The following FGL1 variants were observed in gnomAD, a reference collection of about 807,000 sequenced individuals.
FGL1 encodes fibrinogen-like protein 1.
A neutral mutation model predicts 43.7 loss-of-function variants in FGL1; 59 were observed. The observed-to-expected ratio is 1.35, with a 90% confidence interval of 1.10 to 1.68. FGL1 has a LOEUF of 1.68. Ranked by LOEUF, FGL1 falls within the 40% of genes most tolerant of loss-of-function variation. The pLI is 0.00. For synonymous variants in FGL1, 192 were observed against 126.5 expected, an observed-to-expected ratio of 1.52 and a Z score of -3.48; for missense variants, 596 against 373.0, an observed-to-expected ratio of 1.60 and a Z score of -4.92.
In FGL1 at chr8:17,874,537, G is replaced by C. The variant is rs34852638; in HGVS notation, c.245-16C>G. The C allele has an allele frequency of 2.4e-3, 3,814 of 1,596,510 alleles. 88 individuals carry two copies. The African/African-American group carries it at 0.045, about 19-fold the overall frequency. The stretch of plus-strand genomic sequence containing the variant: ...TCTGAACAATCTGTTTTTAAAACAA[G>C]GTAATGTAACATTCATTATGTGTCT... On this transcript the variant is annotated splice_polypyrimidine_tract_variant and intron_variant, in intron 3 of 7. Coordinates refer to ENST00000427924, the MANE Select transcript of FGL1 (RefSeq NM_004467.4).
intron 3 of FGL1, among the ~76,000 whole-genome samples, chr8:17,876,294 T>C (rs958793953): frequency 6.6e-6 from 1 of 152,150 alleles, no homozygotes; most frequent in Non-Finnish European, 1.5e-5. Flanking sequence ...ACAACTCTCT[T>C]GTTTTGTTAC....
Position 17,868,561 on chromosome 8 carries a change from A to G in FGL1, c.766T>C (p.Trp256Arg). The G allele has an allele frequency of 5.0e-6, 8 of 1,612,340 alleles. No homozygotes were observed. Among genetic ancestry groups the G allele is most frequent in the Non-Finnish European group, 6.8e-6 (8 of 1,179,374 alleles). Reference sequence around the variant, plus strand: ...AAGACATCAAACCTGTTAAACCACCAGCCAGACTGATCTTCTTCTGCGCAG... The same window carrying G: ...AAGACATCAAACCTGTTAAACCACCGGCCAGACTGATCTTCTTCTGCGCAG... The part of the protein sequence containing the change: ...GNCAEEDQSG[W>R]WFNRCHSANL... Residue 256 changes from tryptophan to arginine, a missense_variant, in exon 7 of 8, where the codon TGG becomes CGG. Physicochemically the swap from Trp to Arg is moderately radical, Grantham distance 101. Transcript: ENST00000427924.
chr8:17,884,818 G>C (rs2053603786), intron 2 of FGL1, among the ~76,000 whole-genome samples: 2 of 152,094 alleles, frequency 1.3e-5, no homozygotes, highest in African/African-American at 4.8e-5. Flanking sequence ...AACTTTGAAT[G>C]AATGTTTTGT....
intron 3 of FGL1, among the ~76,000 whole-genome samples, chr8:17,879,636 G>A (rs2517316): frequency 0.73 from 111,088 of 151,916 alleles, 41,107 homozygotes; most frequent in Non-Finnish European, 0.79. Flanking sequence ...CTGCTTTGCC[G>A]TCTGCCATGA....
At position 17,894,871 on chromosome 8, in the gene FGL1, C is replaced by T. The variant is rs372815603; in HGVS notation, c.-18+576G>A. 1.3e-4 allele frequency among the ~76,000 whole-genome samples: 19 copies of T among 144,646 alleles called. 1 individual carries two copies. Among genetic ancestry groups the T allele is most frequent in the Middle Eastern group, 3.6e-3 (1 of 278 alleles). The allele number at this position is 144,646 out of a possible 152,430, so 94.9% of individuals were successfully genotyped here. On this transcript the variant is annotated intron_variant, in intron 1 of 7. Coordinates refer to ENST00000427924, the MANE Select transcript of FGL1 (RefSeq NM_004467.4). ...CTGTATATATATGTATATGTATGTA[C>T]GTAACATTATTATACATAATTATGT...
intron 1 of FGL1, chr8:17,891,180 A>G (rs1292415028): frequency 1.3e-5 from 2 of 152,200 alleles, no homozygotes; most frequent in Non-Finnish European, 2.9e-5. Flanking sequence ...TAGGTACTGT[A>G]CTAGTTTCTT....
At chr8:17,881,813 G>A (rs1381141221) in intron 3 of FGL1, among the ~76,000 whole-genome samples, 186 bp downstream of exon 3, 1 of 143,302 alleles carries the variant, frequency 7.0e-6, no homozygotes, top group Non-Finnish European at 1.5e-5. Flanking sequence ...CTGCCTGGGC[G>A]ACAGAGCAAG....
intron 7 of FGL1, among the ~76,000 whole-genome samples, chr8:17,867,549 A>G (rs2053288324): frequency 1.3e-5 from 2 of 152,244 alleles, no homozygotes; most frequent in Admixed American, 6.5e-5. Context: ...TTATATAACA[A>G]TATGTCAGCA....
At chr8:17,894,704 G>A (rs1329655487) in intron 1 of FGL1, among the ~76,000 whole-genome samples, 6 of 145,882 alleles carry the variant, frequency 4.1e-5, no homozygotes, top group Admixed American at 6.7e-5. Flanking sequence ...ACAAACAAAC[G>A]ACAACAACAA....
chr8:17,881,812 C>T lies in FGL1; in HGVS notation c.244+187G>A, dbSNP rs35152725. ...TTGCACCACTGCACTCCTGCCTGGG[C>T]GACAGAGCAAGACTCCGCCTCAAAA... is the stretch of plus-strand genomic sequence containing the variant. On this transcript the variant is annotated intron_variant, in intron 3 of 7. Coordinates refer to ENST00000427924, the MANE Select transcript of FGL1 (RefSeq NM_004467.4). Among the ~76,000 whole-genome samples the T allele has an allele frequency of 7.1e-5, 10 of 140,560 alleles. 1 individual carries two copies. Among genetic ancestry groups the T allele is most frequent in the South Asian group, 2.2e-4 (1 of 4,514 alleles). The allele number at this position is 140,560 out of a possible 152,430, so 92.2% of individuals were successfully genotyped here. A position where few individuals can be genotyped will look rare whatever the true frequency, so the allele number is the denominator to read the frequency against.
At chr8:17,894,094 G>A (rs2053743865) in intron 1 of FGL1, among the ~76,000 whole-genome samples, 1 of 146,440 alleles carries the variant, frequency 6.8e-6, no homozygotes, top group Non-Finnish European at 1.5e-5. Context: ...ATTTAAAGAT[G>A]AAGACATTAA....
At position 17,877,241 on chromosome 8, in the gene FGL1, A is replaced by T. The variant is rs7832189; in HGVS notation, c.245-2720T>A. 7.8e-3 allele frequency among the ~76,000 whole-genome samples: 1,184 copies of T among 151,864 alleles called. 10 individuals are homozygous for T. The highest frequency in any genetic ancestry group is 0.024 in the African/African-American group (1,014 of 41,474). On this transcript the variant is annotated intron_variant, in intron 3 of 7. Transcript: ENST00000427924. ...TTGTGTTCATGGGAGTTTTTTTTTT[A>T]AAAAAGAAAAAGAATTTTGAATATT...
rs763649992 is a variant in FGL1, at chr8:17,882,118, G to C, written c.125C>G (p.Thr42Ser). Residue 42 changes from threonine (T) to serine (S), a missense_variant, in exon 3 of 8, where the codon ACC becomes AGC. By Grantham distance (58) the Thr-to-Ser change is moderately conservative (BLOSUM62 1). Coordinates refer to ENST00000427924, the MANE Select transcript of FGL1 (RefSeq NM_004467.4). ...RLRAQVRLLE[T>S]RVKQQQVKIK... is the part of the protein sequence containing the mutation. ...CTTGACCTGTTGCTGTTTGACCCGG[G>C]TCTCAAGCAGGCGCACCTGGGCTCT... 3.1e-6 allele frequency: 5 copies of C among 1,613,894 alleles called. No homozygotes were observed. The African/African-American group carries it at 6.7e-5, about 22-fold the overall frequency.
intron 5 of FGL1, among the ~76,000 whole-genome samples, chr8:17,870,362 C>A (rs573971160): frequency 5.9e-5 from 9 of 152,172 alleles, no homozygotes; most frequent in African/African-American, 2.2e-4. Flanking sequence ...AGAAACAGAA[C>A]TCTTGTCAGG....
chr8:17,867,694 G>A (rs765983149), intron 7 of FGL1, among the ~76,000 whole-genome samples: 43 of 152,312 alleles, frequency 2.8e-4, no homozygotes, highest in Admixed American at 3.9e-4. Flanking sequence ...GGCTTTCAGC[G>A]TGGATACGCT....
At chr8:17,869,876 G>A (rs1293494328) in intron 5 of FGL1, among the ~76,000 whole-genome samples, 2 of 152,132 alleles carry the variant, frequency 1.3e-5, no homozygotes, top group African/African-American at 4.8e-5. Context: ...TTGGGAGGCC[G>A]AGGCGGGCGG....
At chr8:17,870,641 C>T (rs1475692721) in intron 5 of FGL1, among the ~76,000 whole-genome samples, 1 of 152,168 alleles carries the variant, frequency 6.6e-6, no homozygotes, top group Non-Finnish European at 1.5e-5. Context: ...TTGTGGACAT[C>T]CCAGGCTGCA....
In FGL1 at chr8:17,864,932, T is replaced by G. The variant is rs545887860; in HGVS notation, c.780-181A>C. Among the ~76,000 whole-genome samples, 4 of 152,100 alleles carry G rather than the reference T, an allele frequency of 2.6e-5. No individual in the cohort carries two copies. The East Asian group carries it at 7.7e-4, about 29-fold the overall frequency. On this transcript the variant is annotated intron_variant, in intron 7 of 7. Coordinates refer to ENST00000427924, the MANE Select transcript of FGL1 (RefSeq NM_004467.4). Reference sequence around the variant, plus strand: ...AAATTTCTACAACAGATGGCTATTGTATTTTATTTTTTATTTTTTAATTTT... The same window carrying G: ...AAATTTCTACAACAGATGGCTATTGGATTTTATTTTTTATTTTTTAATTTT...
intron 7 of FGL1, among the ~76,000 whole-genome samples, chr8:17,865,911 C>T (rs141146006): frequency 2.6e-5 from 4 of 152,082 alleles, no homozygotes; most frequent in Admixed American, 6.6e-5. Flanking sequence ...TCCTACTGAG[C>T]GTTCTCGAAG....
Sources: gnomAD v4.1 joint callset for allele counts (sites outside exome capture counted in the v4.1 genomes callset) on GRCh38, gnomAD v4.1.1 for gene constraint, MANE v1.5 for transcripts, NCBI Gene and HGNC (gene_info 2026-07-23, HGNC 2026-07-21) for gene names.